Variants in IL1RAPL1 observed in about 807,000 individuals in gnomAD.
IL1RAPL1 encodes interleukin-1 receptor accessory protein-like 1.
IL1RAPL1 carries 3 observed loss-of-function variants against 48.4 expected under a neutral mutation model. The ratio of observed to expected loss-of-function variants is 0.06; its 90% CI spans 0.03 to 0.16. The LOEUF is 0.16. IL1RAPL1 is among the 10% of genes least tolerant of loss of function. The pLI is 1.00. For missense variants in IL1RAPL1, 349 were observed against 530.6 expected (o/e 0.66, Z 3.36); for synonymous variants, 185 against 187.7 (o/e 0.99, Z 0.12).
At chrX:29,242,810 G>GA (rs1480387787) in intron 2 of IL1RAPL1, among the ~76,000 whole-genome samples, 3 of 112,006 alleles carry the variant, frequency 2.7e-5, no homozygotes, top group Admixed American at 1.9e-4. Flanking sequence ...TTCCATTTTA[G>GA]AAATGATGAA....
intron 2 of IL1RAPL1, among the ~76,000 whole-genome samples, chrX:29,217,775 T>TCACACA (rs757477605): frequency 0.015 from 1,026 of 68,389 alleles, 7 homozygotes; most frequent in Non-Finnish European, 0.017. Flanking sequence ...TCTCTCTCTC[T>TCACACA]CTCACACACA....
intron 5 of IL1RAPL1, among the ~76,000 whole-genome samples, chrX:29,545,181 AT>A: frequency 2.3e-4 from 1 of 4,319 alleles, no homozygotes; most frequent in Middle Eastern, 0.059. Context: ...AACTAATCCT[AT>A]CTATCTATCT....
intron 1 of IL1RAPL1, among the ~76,000 whole-genome samples, chrX:28,604,880 A>G (rs939033254): frequency 2.7e-5 from 3 of 111,213 alleles, no homozygotes; most frequent in Non-Finnish European, 3.8e-5. Flanking sequence ...CCCAATGGTC[A>G]ATATTCCATC....
chrX:29,029,607 C>G (rs1010231359), intron 2 of IL1RAPL1, among the ~76,000 whole-genome samples: 1 of 111,837 alleles, frequency 8.9e-6, no homozygotes, highest in East Asian at 2.8e-4. Flanking sequence ...ATTCTATGGT[C>G]TTGCTGATGT....
intron 2 of IL1RAPL1, among the ~76,000 whole-genome samples, chrX:28,859,264 T>C (rs1255796326): frequency 8.9e-6 from 1 of 111,893 alleles, no homozygotes; most frequent in East Asian, 2.8e-4. Flanking sequence ...TAGCTATTGA[T>C]TGATTGATTG....
At chrX:29,845,634 G>A (rs781575528) in intron 6 of IL1RAPL1, among the ~76,000 whole-genome samples, 23 of 110,821 alleles carry the variant, frequency 2.1e-4, no homozygotes, top group Non-Finnish European at 4.0e-4. Context: ...GTCCTGGCCT[G>A]AATAACAAAA....
intron 1 of IL1RAPL1, among the ~76,000 whole-genome samples, chrX:28,733,889 A>G (rs1042514324): frequency 1.8e-5 from 2 of 111,828 alleles, no homozygotes; most frequent in Non-Finnish European, 3.8e-5. Flanking sequence ...TTAAAATTTA[A>G]TATGTCCAAA....
intron 1 of IL1RAPL1, among the ~76,000 whole-genome samples, chrX:28,635,397 C>G (rs1934452796): frequency 8.9e-6 from 1 of 111,857 alleles, no homozygotes; most frequent in South Asian, 3.7e-4. Flanking sequence ...GATGTTTTTA[C>G]TTTACCATGG....
chrX:29,910,384 T>A (rs750445068), intron 6 of IL1RAPL1, among the ~76,000 whole-genome samples: 104 of 106,221 alleles, frequency 9.8e-4, no homozygotes, highest in East Asian at 2.9e-3. Flanking sequence ...AGTAAAAATT[T>A]AAAAAAAAAA....
intron 1 of IL1RAPL1, among the ~76,000 whole-genome samples, chrX:28,630,489 A>G (rs960231539): frequency 9.0e-6 from 1 of 111,701 alleles, no homozygotes; most frequent in Non-Finnish European, 1.9e-5. Flanking sequence ...ATTCCCCTGC[A>G]GACTCCCAGC....
chrX:29,466,597 G>GA (rs201521066), intron 5 of IL1RAPL1, among the ~76,000 whole-genome samples: 26 of 108,912 alleles, frequency 2.4e-4, no homozygotes, highest in South Asian at 3.9e-4. Context: ...TTATAGAAGA[G>GA]AAAAAAAAAC....
intron 2 of IL1RAPL1, among the ~76,000 whole-genome samples, chrX:29,140,059 T>C (rs1929215733): frequency 9.0e-6 from 1 of 111,089 alleles, no homozygotes; most frequent in Non-Finnish European, 1.9e-5. Flanking sequence ...AAGCATCCAC[T>C]CATGGTAGAA....
At chrX:29,605,071 AACACACACAC>A (rs757087732) in intron 5 of IL1RAPL1, among the ~76,000 whole-genome samples, 5,737 of 64,987 alleles carry the variant, frequency 0.088, 261 homozygotes, top group African/African-American at 0.14. Flanking sequence ...CTAAGTCTTA[AACACACACAC>A]ACACACACAC....
chrX:28,935,744 C>A (rs1405480268), intron 2 of IL1RAPL1, among the ~76,000 whole-genome samples: 1 of 111,828 alleles, frequency 8.9e-6, no homozygotes, highest in African/African-American at 3.2e-5. Flanking sequence ...TATGAATTAA[C>A]ATATTGACTG....
chrX:29,803,447 ATATGTGTG>A (rs1272176640), intron 6 of IL1RAPL1, among the ~76,000 whole-genome samples: 24 of 95,914 alleles, frequency 2.5e-4, no homozygotes, highest in Admixed American at 2.4e-3. Context: ...ATCTATGTAT[ATATGTGTG>A]TATATATGTA....
chrX:29,660,719 G>A (rs753043513), intron 5 of IL1RAPL1, among the ~76,000 whole-genome samples: 1 of 111,848 alleles, frequency 8.9e-6, no homozygotes, highest in African/African-American at 3.2e-5. Flanking sequence ...GTACCATTCT[G>A]TATTGGTTAC....
At chrX:28,905,486 T>C (rs1204525059) in intron 2 of IL1RAPL1, among the ~76,000 whole-genome samples, 2 of 111,347 alleles carry the variant, frequency 1.8e-5, no homozygotes, top group Admixed American at 9.6e-5. Flanking sequence ...GAGAAGAAAA[T>C]CTACCAAAGA....
intron 5 of IL1RAPL1, among the ~76,000 whole-genome samples, chrX:29,555,102 T>C (rs1026323413): frequency 2.7e-5 from 3 of 112,813 alleles, no homozygotes; most frequent in African/African-American, 9.7e-5. Flanking sequence ...ATTTGAATAA[T>C]TCACAAACAG....
At chrX:29,111,774 A>G (rs1390289946) in intron 2 of IL1RAPL1, among the ~76,000 whole-genome samples, 1 of 111,151 alleles carries the variant, frequency 9.0e-6, no homozygotes, top group African/African-American at 3.3e-5. Flanking sequence ...ATAAAATACT[A>G]TCTCATTGAA....
Sources: allele counts gnomAD v4.1 joint callset (sites outside exome capture counted in the v4.1 genomes callset), GRCh38; gene constraint gnomAD v4.1.1; transcripts MANE v1.5; gene names NCBI Gene and HGNC (gene_info 2026-07-23, HGNC 2026-07-21).